Variants in SYN2 observed in about 807,000 individuals in gnomAD.
SYN2 encodes the protein synapsin II, also known as synapsin-2.
A neutral mutation model predicts 50.9 loss-of-function variants in SYN2; 19 were observed. The ratio of observed to expected loss-of-function variants is 0.37; its 90% CI spans 0.26 to 0.55. The LOEUF (loss-of-function observed/expected upper bound fraction) is 0.55. Ranked by LOEUF, SYN2 falls within the 20% of genes least tolerant of loss-of-function variation. SYN2 has a pLI of 0.81. For missense variants in SYN2, 587 were observed against 576.4 expected (o/e 1.02, Z -0.19); for synonymous variants, 255 against 224.9 (o/e 1.13, Z -1.20).
In SYN2 at chr3:12,151,380, G is replaced by A. The variant is rs374590096; in HGVS notation, c.774+54G>A. 11 of 1,420,746 alleles carry A rather than the reference G, an allele frequency of 7.7e-6. No individual in the cohort carries two copies. In the African/African-American group the frequency reaches 1.4e-4, roughly 18 times the overall value. 88.0% of individuals were successfully genotyped at this position (1,420,746 alleles called of 1,614,324 possible). ...TTCTGCTGTTTTCATTTTGCACTTAGCCACCTGGTTATTGTGGGGCTCTGA... is the reference window on the plus strand; with the variant it reads ...TTCTGCTGTTTTCATTTTGCACTTAACCACCTGGTTATTGTGGGGCTCTGA... On this transcript the variant is annotated intron_variant, in intron 5 of 12. Transcript: ENST00000621198.
At chr3:12,158,234 G>A (rs535971873) in intron 5 of SYN2, among the ~76,000 whole-genome samples, 1 of 152,170 alleles carries the variant, frequency 6.6e-6, no homozygotes, top group African/African-American at 2.4e-5. Context: ...GGAATTTAAG[G>A]GTGTGAGGGA....
chr3:12,015,205 G>C (rs186666346), intron 1 of SYN2, among the ~76,000 whole-genome samples: 91 of 152,294 alleles, frequency 6.0e-4, no homozygotes, highest in Admixed American at 4.3e-3. Context: ...GCATCGTCTA[G>C]CATCAGGACT....
intron 12 of SYN2, among the ~76,000 whole-genome samples, 159 bp downstream of exon 12, chr3:12,187,771 TG>T (rs1698375533): frequency 1.9e-4 from 4 of 21,346 alleles, no homozygotes; most frequent in East Asian, 2.2e-3. Flanking sequence ...TTGGTTTTTG[TG>T]TGTGTGTGTG....
rs189014565 is a variant in SYN2, at chr3:12,190,665, G to A, written c.*40G>A. 1.2e-3 allele frequency: 1,980 copies of A among 1,602,296 alleles called. 3 individuals carry two copies. Among genetic ancestry groups the A allele is most frequent in the Non-Finnish European group, 1.5e-3 (1,708 of 1,174,790 alleles). On this transcript the variant is annotated 3_prime_UTR_variant, in exon 13 of 13. Coordinates refer to ENST00000621198, the MANE Select transcript of SYN2 (RefSeq NM_133625.6). ...GGGGCACCCAGCCCAACCGGGAAAGGCATCTAAGACATTCACCAACAACAG... is the reference window on the plus strand; with the variant it reads ...GGGGCACCCAGCCCAACCGGGAAAGACATCTAAGACATTCACCAACAACAG...
Position 12,126,835 on chromosome 3 carries a change from A to T in SYN2, c.378-13816A>T, listed in dbSNP as rs528011870. Among the ~76,000 whole-genome samples the T allele has an allele frequency of 3.9e-5, 6 of 152,340 alleles. 1 individual carries two copies. Among genetic ancestry groups the T allele is most frequent in the African/African-American group, 1.4e-4 (6 of 41,588 alleles). ...ATAGATATTAGTTGATATTAATTTC[A>T]TTGCAGTTATAATTTTGGTGCTTGT... On this transcript the variant is annotated intron_variant, in intron 1 of 12. Coordinates refer to ENST00000621198, the MANE Select transcript of SYN2 (RefSeq NM_133625.6).
intron 1 of SYN2, among the ~76,000 whole-genome samples, chr3:12,063,306 A>C (rs1695150879): frequency 6.6e-6 from 1 of 152,054 alleles, no homozygotes; most frequent in Non-Finnish European, 1.5e-5. Context: ...GTGTAAAATA[A>C]CTCACTGAAA....
intron 1 of SYN2, among the ~76,000 whole-genome samples, chr3:12,129,057 A>G (rs1696732572): frequency 6.6e-6 from 1 of 152,216 alleles, no homozygotes; most frequent in East Asian, 1.9e-4. Flanking sequence ...AGAATAATAA[A>G]ATGAATCATA....
intron 1 of SYN2, among the ~76,000 whole-genome samples, chr3:12,057,605 A>T (rs1164769721): frequency 6.6e-6 from 1 of 152,128 alleles, no homozygotes; most frequent in African/African-American, 2.4e-5. Context: ...TGATTTTAGA[A>T]AGTTGGCTTT....
chr3:12,114,876 C>A (rs954876805), intron 1 of SYN2, among the ~76,000 whole-genome samples: 1 of 152,138 alleles, frequency 6.6e-6, no homozygotes, highest in African/African-American at 2.4e-5. Flanking sequence ...TCACCAGGCT[C>A]CAAGCTAACA....
intron 1 of SYN2, among the ~76,000 whole-genome samples, chr3:12,046,582 G>T (rs1307323384): frequency 1.3e-5 from 2 of 152,148 alleles, no homozygotes; most frequent in Non-Finnish European, 2.9e-5. Context: ...ATTTTGAAAT[G>T]ACTGCTCTGG....
intron 1 of SYN2, among the ~76,000 whole-genome samples, chr3:12,073,900 TTTCTTA>T (rs1695416028): frequency 2.0e-5 from 3 of 152,188 alleles, no homozygotes; most frequent in South Asian, 2.1e-4. Context: ...ACTTGGTAAT[TTTCTTA>T]TTCTTAATCT....
intron 1 of SYN2, among the ~76,000 whole-genome samples, chr3:12,083,948 G>T (rs1473265969): frequency 6.6e-6 from 1 of 152,162 alleles, no homozygotes; most frequent in East Asian, 1.9e-4. Flanking sequence ...GTGTTTCATG[G>T]GTTGGGATAG....
chr3:12,110,999 G>A (rs1696299894), intron 1 of SYN2, among the ~76,000 whole-genome samples: 1 of 152,196 alleles, frequency 6.6e-6, no homozygotes, highest in Non-Finnish European at 1.5e-5. Context: ...TGTTGGGAAG[G>A]CATGGTTGGT....
At chr3:12,144,535 C>T (rs1388041776) in intron 3 of SYN2, among the ~76,000 whole-genome samples, 3 of 152,140 alleles carry the variant, frequency 2.0e-5, no homozygotes, top group African/African-American at 7.2e-5. Context: ...AGCTCCAACT[C>T]GAAAGCCACA....
intron 1 of SYN2, among the ~76,000 whole-genome samples, chr3:12,100,279 A>G (rs73139651): frequency 1.2e-4 from 18 of 152,348 alleles, no homozygotes; most frequent in African/African-American, 4.1e-4. Context: ...TAGTACTGGC[A>G]TAAGGATAGA....
intron 1 of SYN2, among the ~76,000 whole-genome samples, chr3:12,092,359 C>T (rs1008261688): frequency 2.0e-5 from 3 of 152,116 alleles, no homozygotes; most frequent in Non-Finnish European, 4.4e-5. Context: ...AAGACACAAT[C>T]ATTGCTTTCC....
chr3:12,075,726 G>C (rs1219608832), intron 1 of SYN2, among the ~76,000 whole-genome samples: 1 of 152,094 alleles, frequency 6.6e-6, no homozygotes. Context: ...TATGACCAGT[G>C]ATTTAAAGGA....
At chr3:12,089,094 T>A (rs956566660) in intron 1 of SYN2, among the ~76,000 whole-genome samples, 1 of 152,246 alleles carries the variant, frequency 6.6e-6, no homozygotes, top group Non-Finnish European at 1.5e-5. Flanking sequence ...TTCTGCAACA[T>A]ATACACATAT....
At chr3:12,080,131 G>C (rs1382770075) in intron 1 of SYN2, among the ~76,000 whole-genome samples, 1 of 152,110 alleles carries the variant, frequency 6.6e-6, no homozygotes, top group Non-Finnish European at 1.5e-5. Context: ...TTGTATTTCT[G>C]TGGGGTCAGT....
Sources: allele counts gnomAD v4.1 joint callset (sites outside exome capture counted in the v4.1 genomes callset), GRCh38; gene constraint gnomAD v4.1.1; transcripts MANE v1.5; gene names NCBI Gene and HGNC (gene_info 2026-07-23, HGNC 2026-07-21).